LRBA: variants seen among roughly 807,000 people sequenced by gnomAD.
The protein encoded by LRBA is LPS responsive beige-like anchor protein.
Under a neutral mutation model 330.0 loss-of-function variants are expected in LRBA, and 176 were observed. The observed-to-expected ratio is 0.53, with a 90% confidence interval of 0.47 to 0.60. The LOEUF is 0.60. Ranked by LOEUF, LRBA falls within the 20% of genes least tolerant of loss-of-function variation. The pLI is 0.00. For synonymous variants in LRBA, 1,230 were observed against 1,193.0 expected, an observed-to-expected ratio of 1.03 and a Z score of -0.64; for missense variants, 3,259 against 3,444.8, an observed-to-expected ratio of 0.95 and a Z score of 1.35.
Position 150,674,104 on chromosome 4 carries a change from C to T in LRBA, c.5921+9447G>A, listed in dbSNP as rs117831805. Reference sequence around the variant, plus strand: ...CTTTCGATGTCAGCTAGGATGGTTCCTTTTTATCCATTTTATATATTGGGG... The same window carrying T: ...CTTTCGATGTCAGCTAGGATGGTTCTTTTTTATCCATTTTATATATTGGGG... On this transcript the variant is annotated intron_variant, in intron 37 of 56. Transcript: ENST00000651943. Among the ~76,000 whole-genome samples the T allele has an allele frequency of 4.5e-4, 68 of 151,852 alleles. No homozygotes were observed. In the East Asian group the frequency reaches 0.01, roughly 23 times the overall value.
At chr4:150,734,672 T>G (rs1420703499) in intron 36 of LRBA, among the ~76,000 whole-genome samples, 1 of 152,214 alleles carries the variant, frequency 6.6e-6, no homozygotes, top group Non-Finnish European at 1.5e-5. Context: ...TCTAGAAATT[T>G]GTATTTCTTA....
chr4:150,489,672 T>C (rs1490426227), intron 41 of LRBA, among the ~76,000 whole-genome samples: 14 of 124,726 alleles, frequency 1.1e-4, no homozygotes. Flanking sequence ...TATAAGAATA[T>C]ATATTATATA....
At chr4:150,908,926 G>A in intron 9 of LRBA, 69 bp from the exon 10 acceptor site, 1 of 1,060,048 alleles carries the variant, frequency 9.4e-7, no homozygotes, top group Non-Finnish European at 1.4e-6. Flanking sequence ...CAACACAGGT[G>A]TAAAACTTTA....
intron 44 of LRBA, among the ~76,000 whole-genome samples, chr4:150,462,353 G>T (rs986182023): frequency 5.9e-5 from 9 of 151,686 alleles, no homozygotes; most frequent in East Asian, 1.9e-4. Flanking sequence ...TACAAGAAAA[G>T]ATTTAATTTT....
intron 47 of LRBA, among the ~76,000 whole-genome samples, chr4:150,350,567 C>CAA (rs34934931): frequency 0.2 from 27,292 of 138,162 alleles, 2,690 homozygotes; most frequent in Admixed American, 0.22. Context: ...AACTCCATCT[C>CAA]AAAAAAAAAA....
At chr4:150,624,025 A>G (rs2126640503) in intron 37 of LRBA, among the ~76,000 whole-genome samples, 1 of 152,336 alleles carries the variant, frequency 6.6e-6, no homozygotes, top group East Asian at 1.9e-4. Context: ...CCAAAAAGGT[A>G]CAAACTATAT....
chr4:150,289,711 C>A (rs1345252513), intron 53 of LRBA, among the ~76,000 whole-genome samples: 9 of 152,134 alleles, frequency 5.9e-5, no homozygotes, highest in Admixed American at 2.0e-4. Context: ...ATCTGCTGTA[C>A]AGATTGAGCA....
At chr4:150,658,378 T>G (rs1459725692) in intron 37 of LRBA, among the ~76,000 whole-genome samples, 2 of 149,170 alleles carry the variant, frequency 1.3e-5, no homozygotes, top group African/African-American at 2.5e-5. Context: ...AAAAAACTGC[T>G]GAAATCTTTC....
At chr4:150,710,746 T>C (rs981550040) in intron 36 of LRBA, among the ~76,000 whole-genome samples, 4 of 152,116 alleles carry the variant, frequency 2.6e-5, no homozygotes, top group African/African-American at 9.7e-5. Flanking sequence ...CAGTGAAGAA[T>C]GAGTGCTTTA....
intron 2 of LRBA, among the ~76,000 whole-genome samples, chr4:150,966,985 C>A (rs1738974216): frequency 6.6e-6 from 1 of 152,156 alleles, no homozygotes; most frequent in Non-Finnish European, 1.5e-5. Flanking sequence ...GAAACATAAG[C>A]CTTCACTATC....
At chr4:150,815,684 A>G (rs1166282515) in intron 31 of LRBA, among the ~76,000 whole-genome samples, 3 of 151,936 alleles carry the variant, frequency 2.0e-5, no homozygotes, top group Admixed American at 2.0e-4. Flanking sequence ...ATAATACAAG[A>G]CTATTAATTA....
chr4:150,802,687 C>T (rs1344543088), intron 33 of LRBA, among the ~76,000 whole-genome samples: 1 of 152,012 alleles, frequency 6.6e-6, no homozygotes, highest in Non-Finnish European at 1.5e-5. Context: ...TGAAATATTA[C>T]ATCTAATTTA....
At chr4:150,549,162 A>G (rs1363124000) in intron 40 of LRBA, among the ~76,000 whole-genome samples, 1 of 152,016 alleles carries the variant, frequency 6.6e-6, no homozygotes, top group Non-Finnish European at 1.5e-5. Flanking sequence ...CTGTTTTTCA[A>G]AACTAAAGTC....
chr4:150,966,471 G>T (rs1394561085), intron 2 of LRBA, among the ~76,000 whole-genome samples: 1 of 142,706 alleles, frequency 7.0e-6, no homozygotes. Context: ...ACCACACCCA[G>T]CTAATTTTTT....
chr4:150,940,709 T>C (rs887302601), intron 2 of LRBA, among the ~76,000 whole-genome samples: 8 of 152,160 alleles, frequency 5.3e-5, no homozygotes, highest in African/African-American at 1.9e-4. Flanking sequence ...ACATTCTTTA[T>C]TCAATTCTTT....
intron 34 of LRBA, among the ~76,000 whole-genome samples, chr4:150,767,103 G>T (rs549377297): frequency 2.9e-4 from 44 of 151,960 alleles, no homozygotes; most frequent in African/African-American, 9.9e-4. Context: ...GGCAACAAAA[G>T]ACTTCATTAA....
At chr4:150,709,905 A>C (rs10027710) in intron 36 of LRBA, among the ~76,000 whole-genome samples, 104,553 of 151,710 alleles carry the variant, frequency 0.69, 41,890 homozygotes, top group Non-Finnish European at 0.9. Context: ...AAGATGAATA[A>C]AAGGGTATTG....
At chr4:150,728,419 T>C (rs1729990593) in intron 36 of LRBA, among the ~76,000 whole-genome samples, 1 of 152,080 alleles carries the variant, frequency 6.6e-6, no homozygotes, top group Non-Finnish European at 1.5e-5. Context: ...CCAATCTCAC[T>C]GGTGAATATT....
chr4:150,806,529 G>C, intron 32 of LRBA, 125 bp from the exon 33 acceptor site: 1 of 464,166 alleles, frequency 2.2e-6, no homozygotes, highest in Non-Finnish European at 3.3e-6. Context: ...ATCACCTAAA[G>C]AGACATTACT....
Sources: gnomAD v4.1 joint callset for allele counts (sites outside exome capture counted in the v4.1 genomes callset) on GRCh38, gnomAD v4.1.1 for gene constraint, MANE v1.5 for transcripts, NCBI Gene and HGNC (gene_info 2026-07-23, HGNC 2026-07-21) for gene names.